The following ERBB4 variants were observed in gnomAD, a reference collection of about 807,000 sequenced individuals.
The protein encoded by ERBB4 is erb-b2 receptor tyrosine kinase 4.
ERBB4 carries 42 observed loss-of-function variants against 158.0 expected under a neutral mutation model. The ratio of observed to expected loss-of-function variants is 0.27; its 90% confidence interval spans 0.21 to 0.34. The LOEUF is 0.34. Among genes scored for constraint, ERBB4 ranks in the 10% least tolerant of loss-of-function variants. ERBB4 has a pLI of 1.00. For missense variants in ERBB4, 1,333 were observed against 1,624.1 expected (o/e 0.82, Z 3.08); for synonymous variants, 583 against 558.7 (o/e 1.04, Z -0.61).
chr2:212,167,604 G>GTAA (rs2081387060), intron 1 of ERBB4, among the ~76,000 whole-genome samples: 1 of 152,060 alleles, frequency 6.6e-6, no homozygotes, highest in Non-Finnish European at 1.5e-5. Flanking sequence ...ATACCCAAAG[G>GTAA]ATTATAAATC....
chr2:211,580,943 G>A (rs2068086305), intron 19 of ERBB4, among the ~76,000 whole-genome samples: 1 of 140,220 alleles, frequency 7.1e-6, no homozygotes, highest in African/African-American at 2.7e-5. Context: ...GCCATAAAAT[G>A]GAATTAATTA....
At chr2:212,298,686 T>C (rs1307362974) in intron 1 of ERBB4, among the ~76,000 whole-genome samples, 1 of 151,680 alleles carries the variant, frequency 6.6e-6, no homozygotes, top group East Asian at 2.0e-4. Context: ...GCAAAACATT[T>C]ACTAAGAGCT....
chr2:211,701,688 G>A (rs531320241), intron 12 of ERBB4, among the ~76,000 whole-genome samples: 5 of 149,722 alleles, frequency 3.3e-5, no homozygotes, highest in Non-Finnish European at 7.4e-5. Context: ...CCTGGGAGGC[G>A]GAGCTTGCAG....
At chr2:211,419,613 G>A (rs1441532891) in intron 25 of ERBB4, among the ~76,000 whole-genome samples, 3 of 151,954 alleles carry the variant, frequency 2.0e-5, no homozygotes, top group Non-Finnish European at 4.4e-5. Flanking sequence ...AGTGAATACT[G>A]GATTACAGCA....
At chr2:212,050,343 C>T (rs1288729254) in intron 2 of ERBB4, among the ~76,000 whole-genome samples, 2 of 152,150 alleles carry the variant, frequency 1.3e-5, no homozygotes, top group Non-Finnish European at 2.9e-5. Flanking sequence ...CTAATGCAGT[C>T]AGTCACATTA....
At chr2:211,409,768 G>A (rs1371196639) in intron 25 of ERBB4, among the ~76,000 whole-genome samples, 2 of 152,182 alleles carry the variant, frequency 1.3e-5, no homozygotes, top group Non-Finnish European at 2.9e-5. Flanking sequence ...ACTAGAGTTA[G>A]ACTTGAGAAA....
At chr2:212,187,723 T>A (rs2082056567) in intron 1 of ERBB4, among the ~76,000 whole-genome samples, 1 of 152,160 alleles carries the variant, frequency 6.6e-6, no homozygotes, top group Non-Finnish European at 1.5e-5. Context: ...TTTGGGATAA[T>A]ATCATAAATT....
intron 19 of ERBB4, among the ~76,000 whole-genome samples, chr2:211,612,095 G>A (rs893632089): frequency 2.6e-5 from 4 of 152,054 alleles, no homozygotes; most frequent in Non-Finnish European, 5.9e-5. Flanking sequence ...AATCATATAT[G>A]AGCACTATAA....
At chr2:211,517,983 C>A (rs1456416983) in intron 20 of ERBB4, among the ~76,000 whole-genome samples, 1 of 152,066 alleles carries the variant, frequency 6.6e-6, no homozygotes, top group Non-Finnish European at 1.5e-5. Context: ...TTCTTTATTT[C>A]TGCCTGGTCT....
chr2:212,140,555 GACAA>G (rs1459239310), intron 1 of ERBB4, among the ~76,000 whole-genome samples: 19 of 149,726 alleles, frequency 1.3e-4, no homozygotes, highest in African/African-American at 3.4e-4. Context: ...AGGGTAAACA[GACAA>G]ACATTCTATA....
chr2:212,225,501 AT>A (rs2083442065), intron 1 of ERBB4, among the ~76,000 whole-genome samples: 1 of 119,130 alleles, frequency 8.4e-6, no homozygotes, highest in East Asian at 3.8e-4. Flanking sequence ...AGTTTGAATC[AT>A]TTTATTGTCA....
At chr2:211,393,171 C>T (rs1426716658) in intron 25 of ERBB4, among the ~76,000 whole-genome samples, 1 of 152,094 alleles carries the variant, frequency 6.6e-6, no homozygotes, top group African/African-American at 2.4e-5. Flanking sequence ...TCAAAGTCTA[C>T]TTTTATTGTG....
At chr2:212,368,694 A>G (rs574042233) in intron 1 of ERBB4, among the ~76,000 whole-genome samples, 1 of 152,108 alleles carries the variant, frequency 6.6e-6, no homozygotes, top group Non-Finnish European at 1.5e-5. Context: ...TTGTAAAATG[A>G]TCAAGCTAGG....
chr2:211,461,914 CAAAA>C (rs961079596), intron 20 of ERBB4, among the ~76,000 whole-genome samples: 10 of 150,724 alleles, frequency 6.6e-5, no homozygotes, highest in African/African-American at 1.9e-4. Context: ...AAAACAACAA[CAAAA>C]AAAAACTCTG....
intron 20 of ERBB4, among the ~76,000 whole-genome samples, chr2:211,431,630 C>T (rs1425931078): frequency 2.0e-5 from 3 of 151,038 alleles, no homozygotes; most frequent in Non-Finnish European, 2.9e-5. Flanking sequence ...TTATACTATT[C>T]TTATTAATCA....
intron 3 of ERBB4, among the ~76,000 whole-genome samples, chr2:211,853,195 C>T (rs2077761239): frequency 6.6e-6 from 1 of 151,940 alleles, no homozygotes; most frequent in Non-Finnish European, 1.5e-5. Context: ...AGATCAGATT[C>T]TTGCATAATT....
At chr2:212,384,161 G>A (rs946390985) in intron 1 of ERBB4, among the ~76,000 whole-genome samples, 2 of 151,522 alleles carry the variant, frequency 1.3e-5, no homozygotes, top group African/African-American at 2.4e-5. Context: ...TCCTCCAAGC[G>A]AAACATCATA....
chr2:211,739,501 G>A (rs2074718274), intron 5 of ERBB4, among the ~76,000 whole-genome samples: 1 of 152,066 alleles, frequency 6.6e-6, no homozygotes, highest in South Asian at 2.1e-4. Flanking sequence ...GTCTCGCTCT[G>A]TCACCAGGCT....
intron 4 of ERBB4, among the ~76,000 whole-genome samples, chr2:211,751,821 TGCA>T (rs1199166111): frequency 6.6e-6 from 1 of 152,206 alleles, no homozygotes; most frequent in African/African-American, 2.4e-5. Flanking sequence ...ACGGTTAAGA[TGCA>T]GATTCAAAAG....
Sources: gnomAD v4.1 joint callset for allele counts (sites outside exome capture counted in the v4.1 genomes callset) on GRCh38, gnomAD v4.1.1 for gene constraint, MANE v1.5 for transcripts, NCBI Gene and HGNC (gene_info 2026-07-23, HGNC 2026-07-21) for gene names.